The following LDB2 variants were observed in gnomAD, a reference collection of about 807,000 sequenced individuals.
LDB2 encodes the protein LIM domain binding 2.
A neutral mutation model predicts 44.3 loss-of-function variants in LDB2; 12 were observed. The ratio of observed to expected loss-of-function variants is 0.27; its 90% CI spans 0.17 to 0.44. The LOEUF is 0.44. Ranked by LOEUF, LDB2 falls within the 20% of genes least tolerant of loss-of-function variation. The probability of loss-of-function intolerance (pLI) is 1.00; values close to 1 mark genes in which losing one functional copy is unlikely to be tolerated. For missense variants in LDB2, 344 were observed against 473.5 expected (o/e 0.73, Z 2.54); for synonymous variants, 164 against 174.8 (o/e 0.94, Z 0.49).
At chr4:16,596,539 A>T (rs560058129) in intron 2 of LDB2, among the ~76,000 whole-genome samples, 1 of 152,296 alleles carries the variant, frequency 6.6e-6, no homozygotes, top group South Asian at 2.1e-4. Flanking sequence ...TCTTCCCAAC[A>T]CTATGTCTCC....
chr4:16,566,268 C>G (rs1297194687), intron 5 of LDB2, among the ~76,000 whole-genome samples: 2 of 151,720 alleles, frequency 1.3e-5, no homozygotes, highest in East Asian at 1.9e-4. Flanking sequence ...CTAACAGATG[C>G]TAACATATAT....
chr4:16,788,357 A>C (rs966095829), intron 1 of LDB2, among the ~76,000 whole-genome samples: 4 of 152,194 alleles, frequency 2.6e-5, no homozygotes, highest in African/African-American at 4.8e-5. Flanking sequence ...TGTCATCTGC[A>C]TCAAGCTTCC....
At chr4:16,756,305 C>A (rs1308961034) in intron 2 of LDB2, among the ~76,000 whole-genome samples, 1 of 151,950 alleles carries the variant, frequency 6.6e-6, no homozygotes, top group East Asian at 1.9e-4. Context: ...CAAAAATTAG[C>A]TGGGAGTGGT....
intron 1 of LDB2, among the ~76,000 whole-genome samples, chr4:16,839,666 A>C (rs1221839799): frequency 6.6e-6 from 1 of 151,772 alleles, no homozygotes; most frequent in Non-Finnish European, 1.5e-5. Context: ...TGGGCAGCTA[A>C]TTAATGGTAG....
At chr4:16,774,012 G>A (rs1561185765) in intron 1 of LDB2, among the ~76,000 whole-genome samples, 1 of 54,634 alleles carries the variant, frequency 1.8e-5, no homozygotes, top group East Asian at 3.5e-4. Flanking sequence ...AAAAATAGCT[G>A]GGCGTGCTGG....
At chr4:16,548,682 G>A (rs1736617019) in intron 5 of LDB2, among the ~76,000 whole-genome samples, 2 of 152,320 alleles carry the variant, frequency 1.3e-5, no homozygotes, top group African/African-American at 2.4e-5. Context: ...GGGTAAGCCG[G>A]AAAAAGAATC....
Position 16,511,990 on chromosome 4 carries a change from C to A in LDB2, c.730G>T (p.Ala244Ser), listed in dbSNP as rs375403171. The A allele has an allele frequency of 3.6e-5, 58 of 1,612,822 alleles. No individual in the cohort carries two copies. Among genetic ancestry groups the A allele is most frequent in the Non-Finnish European group, 4.9e-5 (58 of 1,179,314 alleles). ...CLFQKWQRMV[A>S]PPAEPTRQPT... ...AAGAATGAGGGTGTACCTGGCGGAGCCACCATCCTCTGCCACTTCTGAAAC... is the reference window on the plus strand; with the variant it reads ...AAGAATGAGGGTGTACCTGGCGGAGACACCATCCTCTGCCACTTCTGAAAC... Residue 244 changes from alanine (A) to serine (S), a missense_variant, in exon 6 of 8, where the codon GCT (alanine) becomes TCT (serine). Coordinates refer to ENST00000304523, the MANE Select transcript of LDB2 (RefSeq NM_001290.5).
intron 1 of LDB2, among the ~76,000 whole-genome samples, chr4:16,800,709 C>G (rs1332662438): frequency 6.6e-6 from 1 of 152,214 alleles, no homozygotes; most frequent in African/African-American, 2.4e-5. Context: ...GAGTCTCGCT[C>G]TGTCGCCCAG....
intron 5 of LDB2, among the ~76,000 whole-genome samples, chr4:16,558,578 G>A (rs912516209): frequency 5.3e-5 from 8 of 152,280 alleles, no homozygotes; most frequent in South Asian, 2.1e-4. Context: ...CCAAATCTAC[G>A]TCTGATTGGT....
rs368873823 is a variant in LDB2 at position 16,834,293 on chromosome 4, C to T, written c.132+64061G>A. ...GTCACAAGCTTAAGCATTTGGTCTG[C>T]AATATGCTTTGGGAAAAATGAATGA... is the stretch of plus-strand genomic sequence containing the variant. On this transcript the variant is annotated intron_variant, in intron 1 of 7. Coordinates refer to ENST00000304523, the MANE Select transcript of LDB2 (RefSeq NM_001290.5). 7.9e-5 allele frequency among the ~76,000 whole-genome samples: 12 copies of T among 152,254 alleles called. No individual in the cohort carries two copies. The East Asian group carries it at 1.2e-3, about 15-fold the overall frequency.
chr4:16,635,107 C>T (rs1351008306), intron 2 of LDB2, among the ~76,000 whole-genome samples: 1 of 152,058 alleles, frequency 6.6e-6, no homozygotes, highest in African/African-American at 2.4e-5. Flanking sequence ...CACATGGACA[C>T]AGGGAGGGGA....
At chr4:16,701,434 C>G (rs6849062) in intron 2 of LDB2, among the ~76,000 whole-genome samples, 60 of 152,284 alleles carry the variant, frequency 3.9e-4, no homozygotes, top group African/African-American at 1.4e-3. Context: ...ATAGTTGTTT[C>G]CTTATCAGAA....
intron 2 of LDB2, among the ~76,000 whole-genome samples, chr4:16,690,987 C>A (rs1327139437): frequency 6.6e-6 from 1 of 152,140 alleles, no homozygotes; most frequent in Non-Finnish European, 1.5e-5. Flanking sequence ...GAGCACTCCA[C>A]CAGCAGCATT....
chr4:16,786,336 G>C (rs1289437689), intron 1 of LDB2, among the ~76,000 whole-genome samples: 1 of 152,184 alleles, frequency 6.6e-6, no homozygotes, highest in Non-Finnish European at 1.5e-5. Context: ...AGCATCTGCT[G>C]TCTGTTTATT....
chr4:16,801,296 C>T (rs1208504919), intron 1 of LDB2, among the ~76,000 whole-genome samples: 2 of 152,122 alleles, frequency 1.3e-5, no homozygotes, highest in Non-Finnish European at 2.9e-5. Flanking sequence ...TGTCTGTAGA[C>T]ATTAGACTGC....
At chr4:16,798,756 C>T (rs1777206116) in intron 1 of LDB2, among the ~76,000 whole-genome samples, 1 of 152,242 alleles carries the variant, frequency 6.6e-6, no homozygotes, top group African/African-American at 2.4e-5. Context: ...CTTTCTTTGG[C>T]TCTAGCCTCG....
chr4:16,619,902 GAATAA>G (rs1263079319), intron 2 of LDB2, among the ~76,000 whole-genome samples: 1 of 148,400 alleles, frequency 6.7e-6, no homozygotes, highest in Non-Finnish European at 1.5e-5. Context: ...AAATTAAAAA[GAATAA>G]AATAAAGATA....
chr4:16,664,029 AAGAG>A (rs1301657000), intron 2 of LDB2, among the ~76,000 whole-genome samples: 1 of 112,182 alleles, frequency 8.9e-6, no homozygotes, highest in East Asian at 2.3e-4. Flanking sequence ...GTTTCAATAA[AAGAG>A]AGAGAGAAAA....
chr4:16,769,641 A>G (rs1770205712), intron 1 of LDB2, among the ~76,000 whole-genome samples: 1 of 150,992 alleles, frequency 6.6e-6, no homozygotes. Flanking sequence ...CATGTTCTAG[A>G]GACTGAATTT....
Sources: gnomAD v4.1 joint callset for allele counts (sites outside exome capture counted in the v4.1 genomes callset) on GRCh38, gnomAD v4.1.1 for gene constraint, MANE v1.5 for transcripts, NCBI Gene and HGNC (gene_info 2026-07-23, HGNC 2026-07-21) for gene names.